Variants in XYLB observed in about 807,000 individuals in gnomAD.
The protein encoded by XYLB is xylulokinase, also known as xylulose kinase.
Under a neutral mutation model 78.7 loss-of-function variants are expected in XYLB, and 62 were observed. The ratio of observed to expected loss-of-function variants is 0.79; its 90% confidence interval spans 0.64 to 0.97. The LOEUF is 0.97. Among genes scored for constraint, XYLB ranks in the 50% least tolerant of loss-of-function variants. The probability of loss-of-function intolerance (pLI) is 0.00; values close to 1 mark genes in which losing one functional copy is unlikely to be tolerated. For synonymous variants in XYLB, 245 were observed against 247.4 expected (o/e 0.99, Z 0.09); for missense variants, 687 against 676.8 (o/e 1.02, Z -0.17).
chr3:38,388,070 T>C (rs1707462131), intron 15 of XYLB, among the ~76,000 whole-genome samples: 1 of 152,108 alleles, frequency 6.6e-6, no homozygotes, highest in Non-Finnish European at 1.5e-5. Flanking sequence ...GAGATAATTG[T>C]AGATTCACAT....
intron 4 of XYLB, 121 bp downstream of exon 4, chr3:38,363,138 A>G (rs922114647): frequency 1.6e-5 from 11 of 668,402 alleles, no homozygotes; most frequent in African/African-American, 9.2e-5. Flanking sequence ...CCACTGCACA[A>G]ATTTCACTGT....
chr3:38,365,203 A>T lies in XYLB; in HGVS notation c.296A>T (p.His99Leu), dbSNP rs147083628. 9 of 1,614,208 alleles carry T rather than the reference A, an allele frequency of 5.6e-6. No individual in the cohort carries two copies. The highest frequency in any genetic ancestry group is 6.8e-6 in the Non-Finnish European group (8 of 1,180,022). Reference protein sequence around the residue: ...VLALSGAGQQHGSIYWKAGAQ... With the variant: ...VLALSGAGQQLGSIYWKAGAQ... ...TGTGCTTGGGTTTCCCAACAGCAAC[A>T]CGGAAGTATATACTGGAAGGCTGGA... Residue 99 changes from histidine to leucine, a missense_variant, in exon 5 of 19, where the codon CAC becomes CTC. By Grantham distance (99) the His-to-Leu change is moderately conservative (BLOSUM62 -3). Transcript: ENST00000207870.
chr3:38,431,280 A>C, the XYLB span, among the ~76,000 whole-genome samples: 1 of 152,060 alleles, frequency 6.6e-6, no homozygotes, highest in Non-Finnish European at 1.5e-5. Flanking sequence ...GTCCCTTGGA[A>C]GTTGGATTCC....
intron 2 of XYLB, among the ~76,000 whole-genome samples, chr3:38,360,112 A>G (rs1229543684): frequency 6.6e-6 from 1 of 152,110 alleles, no homozygotes; most frequent in Non-Finnish European, 1.5e-5. Context: ...TCTTTAGAAG[A>G]TGCTTCTGAG....
At chr3:38,431,931 T>C in the XYLB span, among the ~76,000 whole-genome samples, 77 of 152,154 alleles carry the variant, frequency 5.1e-4, no homozygotes, top group Non-Finnish European at 9.6e-4. Context: ...CCTTGACACA[T>C]GAGGATTGTT....
At chr3:38,368,343 A>G in intron 8 of XYLB, 86 bp downstream of exon 8, 1 of 1,186,768 alleles carries the variant, frequency 8.4e-7, no homozygotes, top group Non-Finnish European at 1.3e-6. Context: ...ACCTACCCCG[A>G]GTGGGTGCCA....
At chr3:38,446,016 C>A in the XYLB span, among the ~76,000 whole-genome samples, 1 of 152,170 alleles carries the variant, frequency 6.6e-6, no homozygotes, top group Non-Finnish European at 1.5e-5. Flanking sequence ...GTGAGTGTTA[C>A]AGCTCTTAAA....
At position 38,374,505 on chromosome 3, in the gene XYLB, A is replaced by G. The variant is rs771062650; in HGVS notation, c.888+3A>G. On this transcript the variant is annotated splice_donor_region_variant and intron_variant, in intron 11 of 18. Coordinates refer to ENST00000207870, the MANE Select transcript of XYLB (RefSeq NM_005108.4). ...GACTGGAGGAAGGTGACATTGCGGT[A>G]AGGCGACTTCCCACACCCATAGGCT... is the stretch of plus-strand genomic sequence containing the variant. 14 of 1,613,588 alleles carry G rather than the reference A, an allele frequency of 8.7e-6. No individual in the cohort carries two copies. The highest frequency in any genetic ancestry group is 1.2e-5 in the Non-Finnish European group (14 of 1,179,744).
chr3:38,372,035 T>C (rs1482777062), intron 9 of XYLB, among the ~76,000 whole-genome samples: 3 of 152,158 alleles, frequency 2.0e-5, no homozygotes, highest in Non-Finnish European at 2.9e-5. Context: ...AGCTTGAGGA[T>C]CGGGAAAGAA....
chr3:38,374,454 A>C lies in XYLB; in HGVS notation c.848-8A>C. The stretch of plus-strand genomic sequence containing the variant: ...CCAGCTAACCAGAAGCTCCCCTCCC[A>C]TTCTCAGCGTCGCTGGCAGGCATGA... On this transcript the variant is annotated splice_region_variant and splice_polypyrimidine_tract_variant and intron_variant, in intron 10 of 18. Transcript: ENST00000207870. 1.2e-6 allele frequency: 2 copies of C among 1,613,934 alleles called. No individual in the cohort carries two copies. The highest frequency in any genetic ancestry group is 1.7e-6 in the Non-Finnish European group (2 of 1,179,940).
chr3:38,368,295 T>C (rs760748850), intron 8 of XYLB, 38 bp downstream of exon 8: 12 of 1,594,778 alleles, frequency 7.5e-6, no homozygotes, highest in Non-Finnish European at 1.0e-5. Flanking sequence ...CTGGGCAGTG[T>C]GCATGTGGCA....
At chr3:38,415,504 T>A (rs1454463702), downstream of XYLB, among the ~76,000 whole-genome samples, 1 of 152,084 alleles carries the variant, frequency 6.6e-6, no homozygotes, top group Non-Finnish European at 1.5e-5. Flanking sequence ...AGTACCCAGC[T>A]GGGAATGGTG....
At chr3:38,405,283 TC>T (rs1708266485) in intron 18 of XYLB, among the ~76,000 whole-genome samples, 1 of 148,582 alleles carries the variant, frequency 6.7e-6, no homozygotes, top group South Asian at 2.1e-4. Context: ...ATACCTATAA[TC>T]CCAGCACTTT....
At chr3:38,352,298 G>A (rs1003219925) in intron 2 of XYLB, among the ~76,000 whole-genome samples, 2 of 151,152 alleles carry the variant, frequency 1.3e-5, no homozygotes, top group African/African-American at 2.4e-5. Context: ...TCCGCCTCCC[G>A]GGTTGTCCTC....
downstream of XYLB, among the ~76,000 whole-genome samples, chr3:38,423,226 C>A (rs1168417987): frequency 6.6e-6 from 1 of 152,110 alleles, no homozygotes. Context: ...GCGCCCACCA[C>A]CACGCCCGGC....
intron 3 of XYLB, among the ~76,000 whole-genome samples, chr3:38,360,659 T>TA (rs1489307183): frequency 4.6e-5 from 7 of 152,238 alleles, no homozygotes; most frequent in Admixed American, 3.9e-4. Flanking sequence ...GTCCTGCCAT[T>TA]AACCACCTTT....
At chr3:38,411,056 A>G (rs1182487874) in intron 18 of XYLB, among the ~76,000 whole-genome samples, 1 of 152,234 alleles carries the variant, frequency 6.6e-6, no homozygotes, top group East Asian at 1.9e-4. Context: ...ACTATAAATC[A>G]TGCTGCTATA....
intron 7 of XYLB, 61 bp from the exon 8 acceptor site, chr3:38,368,124 G>C: frequency 6.6e-7 from 1 of 1,520,438 alleles, no homozygotes. Flanking sequence ...TGTGTCAGAA[G>C]CATTCAGTAG....
In XYLB at chr3:38,365,689, G is replaced by T; in HGVS notation, c.460G>T (p.Gly154Cys). ...GTGCCGCCAGCTGGAGGCTGCTGTG[G>T]GTGGTGCTCAGGCTCTCAGCTGCCT... ...AQCRQLEAAV[G>C]GAQALSCLTG... Residue 154 changes from glycine (G) to cysteine (C), a missense_variant, in exon 6 of 19, where the codon GGT (glycine) becomes TGT (cysteine). Coordinates refer to ENST00000207870, the MANE Select transcript of XYLB (RefSeq NM_005108.4). 1.9e-6 allele frequency: 3 copies of T among 1,613,908 alleles called. No individual in the cohort carries two copies. The highest frequency in any genetic ancestry group is 2.7e-5 in the African/African-American group (2 of 75,070).
Sources: allele counts gnomAD v4.1 joint callset (sites outside exome capture counted in the v4.1 genomes callset), GRCh38; gene constraint gnomAD v4.1.1; transcripts MANE v1.5; gene names NCBI Gene and HGNC (gene_info 2026-07-23, HGNC 2026-07-21).